SMARCA4: variants seen among roughly 807,000 people sequenced by gnomAD.
SMARCA4 encodes the protein SWI/SNF related BAF chromatin remodeling complex subunit ATPase 4, also known as SWI/SNF-related matrix-associated actin-dependent regulator of chromatin subfamily A member 4.
A neutral mutation model predicts 193.9 loss-of-function variants in SMARCA4; 31 were observed. The ratio of observed to expected loss-of-function variants is 0.16; its 90% confidence interval spans 0.12 to 0.22. The LOEUF is 0.22. Ranked by LOEUF, SMARCA4 falls within the 10% of genes least tolerant of loss-of-function variation. The pLI is 1.00. For missense variants in SMARCA4, 1,148 were observed against 2,296.0 expected (o/e 0.50, Z 10.22); for synonymous variants, 942 against 933.1 (o/e 1.01, Z -0.17).
At chr19:10,966,834 G>A (rs2084259802) in intron 1 of SMARCA4, among the ~76,000 whole-genome samples, 2 of 151,488 alleles carry the variant, frequency 1.3e-5, no homozygotes, top group Admixed American at 6.6e-5. Context: ...GTTGCAGGGA[G>A]CCGAGATCGT....
At chr19:11,048,720 T>A (rs976888205) in intron 30 of SMARCA4, among the ~76,000 whole-genome samples, 7 of 152,226 alleles carry the variant, frequency 4.6e-5, no homozygotes, top group African/African-American at 1.4e-4. Flanking sequence ...GCCCTTCCTG[T>A]CAGGTGGAAT....
intron 16 of SMARCA4, 130 bp downstream of exon 16, chr19:11,013,242 G>A: frequency 1.0e-6 from 1 of 995,312 alleles, no homozygotes; most frequent in Admixed American, 2.0e-5. Flanking sequence ...CTGGAGGCCA[G>A]AAGTCCAGGG....
At chr19:10,995,884 G>A in intron 9 of SMARCA4, 1 of 417,502 alleles carries the variant, frequency 2.4e-6, no homozygotes, top group South Asian at 2.0e-5. Context: ...GTAGGAGGTG[G>A]TGGGAGGGAT....
chr19:11,058,726 C>CA lies in SMARCA4; in HGVS notation c.4534-61dup. 7.0e-7 allele frequency: 1 copy of CA among 1,421,628 alleles called. No individual in the cohort carries two copies. Among genetic ancestry groups the CA allele is most frequent in the Non-Finnish European group, 9.9e-7 (1 of 1,006,246 alleles). 88.1% of individuals were successfully genotyped at this position (1,421,628 alleles called of 1,614,324 possible). A position where few individuals can be genotyped will look rare whatever the true frequency, so the allele number is the denominator to read the frequency against. Reference sequence around the variant, plus strand: ...GCCCGTGGGGTCTCCAGCACACAGCCAGGCCTGCGGGCAGGCGAGGCGGGG... The same window carrying CA: ...GCCCGTGGGGTCTCCAGCACACAGCCAAGGCCTGCGGGCAGGCGAGGCGGGG... On this transcript the variant is annotated intron_variant, in intron 31 of 34. Transcript: ENST00000344626. This position sits in a 1 kb window ranked among gnomAD's most constrained non-coding sequence, Gnocchi z 5.8.
In SMARCA4 at chr19:11,058,465, A is replaced by C; in HGVS notation, c.4533+102A>C. On this transcript the variant is annotated intron_variant, in intron 31 of 34. Coordinates refer to ENST00000344626, the MANE Select transcript of SMARCA4 (RefSeq NM_003072.5). This position sits in a 1 kb window ranked among gnomAD's most constrained non-coding sequence, Gnocchi z 5.8. ...TGTGGTGTGTGGGCAGAATGACCAG[A>C]AACCACCTAGGCGGTGCCTTGGGCT... is the stretch of plus-strand genomic sequence containing the variant. 8.1e-6 allele frequency: 7 copies of C among 865,444 alleles called. No individual in the cohort carries two copies. The highest frequency in any genetic ancestry group is 6.9e-5 in the South Asian group (5 of 72,140). 53.6% of individuals were successfully genotyped at this position (865,444 alleles called of 1,614,324 possible).
At chr19:10,994,272 A>AC (rs1286978249) in intron 8 of SMARCA4, among the ~76,000 whole-genome samples, 1 of 141,882 alleles carries the variant, frequency 7.0e-6, no homozygotes, top group African/African-American at 2.7e-5. Context: ...CGAACTCCTG[A>AC]CCTCAGGCAT....
chr19:10,974,893 A>G (rs2085000941), intron 1 of SMARCA4, among the ~76,000 whole-genome samples: 1 of 148,714 alleles, frequency 6.7e-6, no homozygotes, highest in Admixed American at 6.8e-5. Flanking sequence ...TTTTGTAGAG[A>G]TGGGGTTTCA....
At chr19:11,029,020 T>G (rs1427117468) in intron 24 of SMARCA4, among the ~76,000 whole-genome samples, 2 of 152,024 alleles carry the variant, frequency 1.3e-5, no homozygotes, top group Non-Finnish European at 2.9e-5. Context: ...CCACCCGGAG[T>G]GTGCCCTGTG....
Position 10,990,358 on chromosome 19 carries a change from A to G in SMARCA4, c.1246-792A>G, listed in dbSNP as rs574378180. Among the ~76,000 whole-genome samples, 3 of 152,014 alleles carry G rather than the reference A, an allele frequency of 2.0e-5. No homozygotes were observed. The South Asian group carries it at 6.2e-4, about 32-fold the overall frequency. Reference sequence around the variant, plus strand: ...CAGTGGCACAATCTTGGCTCACTGCAACCTCTGCCTTCCAGGTTCAAGTGA... The same window carrying G: ...CAGTGGCACAATCTTGGCTCACTGCGACCTCTGCCTTCCAGGTTCAAGTGA... On this transcript the variant is annotated intron_variant, in intron 7 of 34. Coordinates refer to ENST00000344626, the MANE Select transcript of SMARCA4 (RefSeq NM_003072.5).
At chr19:10,988,125 T>TC (rs2086229546) in intron 6 of SMARCA4, among the ~76,000 whole-genome samples, 1 of 140,562 alleles carries the variant, frequency 7.1e-6, no homozygotes, top group Non-Finnish European at 1.6e-5. Flanking sequence ...GTTCTCTCTC[T>TC]TTTTTTTTTT....
intron 9 of SMARCA4, 195 bp from the exon 10 acceptor site, chr19:10,996,018 C>T: frequency 1.5e-6 from 1 of 682,724 alleles, no homozygotes; most frequent in Non-Finnish European, 2.7e-6. Flanking sequence ...AGCGGGTGCC[C>T]TTGGAACCTA....
chr19:10,971,964 T>C (rs1228095165), intron 1 of SMARCA4, among the ~76,000 whole-genome samples: 1 of 150,872 alleles, frequency 6.6e-6, no homozygotes, highest in Non-Finnish European at 1.5e-5. Flanking sequence ...AATTTTTTTT[T>C]TTTTTTTTTG....
intron 30 of SMARCA4, among the ~76,000 whole-genome samples, chr19:11,051,741 G>A (rs1044052611): frequency 3.3e-5 from 5 of 151,914 alleles, no homozygotes; most frequent in Non-Finnish European, 7.4e-5. Flanking sequence ...CGCCAGCCTC[G>A]GCCTCCCAAA....
At chr19:11,046,409 T>C (rs947431367) in intron 30 of SMARCA4, among the ~76,000 whole-genome samples, 14 of 152,140 alleles carry the variant, frequency 9.2e-5, no homozygotes, top group Admixed American at 8.5e-4. Flanking sequence ...GATGCCTCAG[T>C]GGGGGATTTG....
intron 18 of SMARCA4, chr19:11,020,921 CA>C (rs2089810447): frequency 1.3e-5 from 2 of 153,082 alleles, no homozygotes; most frequent in African/African-American, 4.8e-5. Flanking sequence ...CTCACTGCAA[CA>C]ACCTCTGCCT....
At chr19:10,965,724 A>G (rs1599785450) in intron 1 of SMARCA4, among the ~76,000 whole-genome samples, 1 of 152,176 alleles carries the variant, frequency 6.6e-6, no homozygotes, top group East Asian at 1.9e-4. Flanking sequence ...CGATTATTGT[A>G]GGCAGTTGTG....
Position 10,975,036 on chromosome 19 carries a change from T to TG in SMARCA4, c.-31-9085_-31-9084insG, listed in dbSNP as rs1239614429. Among the ~76,000 whole-genome samples, 220 of 147,400 alleles carry TG rather than the reference T, an allele frequency of 1.5e-3. 1 individual carries two copies. The highest frequency in any genetic ancestry group is 6.8e-3 in the Middle Eastern group (2 of 292). On this transcript the variant is annotated intron_variant, in intron 1 of 34. Transcript: ENST00000344626. ...GTTATTCTTTTTTTTTTTTTTTTTTTTTTGAGACAGGGTCTCTGTCGCTCA... is the reference window on the plus strand; with the variant it reads ...GTTATTCTTTTTTTTTTTTTTTTTTTGTTTGAGACAGGGTCTCTGTCGCTCA...
At chr19:11,042,485 G>T (rs1384733164) in intron 30 of SMARCA4, among the ~76,000 whole-genome samples, 1 of 152,228 alleles carries the variant, frequency 6.6e-6, no homozygotes, top group African/African-American at 2.4e-5. Context: ...GTACACACTG[G>T]CCAGTACGGC....
chr19:10,991,400 G>T (rs2086552210), intron 8 of SMARCA4, 77 bp downstream of exon 8: 3 of 1,545,500 alleles, frequency 1.9e-6, no homozygotes, highest in Non-Finnish European at 1.7e-6. Context: ...CCACGGGGCT[G>T]TGTTTGCTTT....
Sources: allele counts gnomAD v4.1 joint callset (sites outside exome capture counted in the v4.1 genomes callset), GRCh38; gene constraint gnomAD v4.1.1; non-coding constraint Gnocchi (gnomAD v3.1); transcripts MANE v1.5; gene names NCBI Gene and HGNC (gene_info 2026-07-23, HGNC 2026-07-21).